FBXL17: variants seen among roughly 807,000 people sequenced by gnomAD.
FBXL17 encodes F-box and leucine rich repeat protein 17.
FBXL17 carries 22 observed loss-of-function variants against 66.2 expected under a neutral mutation model. That is an observed-to-expected ratio of 0.33 (90% CI 0.24 to 0.47). The LOEUF (loss-of-function observed/expected upper bound fraction) is 0.47. Among genes scored for constraint, FBXL17 ranks in the 20% least tolerant of loss-of-function variants. FBXL17 has a pLI of 1.00. For synonymous variants in FBXL17, 474 were observed against 400.5 expected (o/e 1.18, Z -2.19); for missense variants, 878 against 948.2 (o/e 0.93, Z 0.97).
intron 6 of FBXL17, among the ~76,000 whole-genome samples, chr5:108,102,314 C>A (rs1178829783): frequency 7.9e-5 from 12 of 152,126 alleles, no homozygotes; most frequent in Admixed American, 7.9e-4. Context: ...TAACTTATTA[C>A]AAATTTTAAT....
At chr5:108,158,519 G>A (rs1752085473) in intron 6 of FBXL17, among the ~76,000 whole-genome samples, 1 of 151,676 alleles carries the variant, frequency 6.6e-6, no homozygotes, top group Non-Finnish European at 1.5e-5. Flanking sequence ...CTGTGTGTGT[G>A]TGTGTGTGTG....
At chr5:107,946,390 G>A (rs1458465879) in intron 7 of FBXL17, among the ~76,000 whole-genome samples, 15 of 140,430 alleles carry the variant, frequency 1.1e-4, no homozygotes, top group Non-Finnish European at 1.8e-4. Context: ...AAACTCCTTG[G>A]CTTAAGTGAT....
chr5:108,030,358 G>GA (rs1241679251), intron 6 of FBXL17, among the ~76,000 whole-genome samples: 1 of 152,130 alleles, frequency 6.6e-6, no homozygotes, highest in African/African-American at 2.4e-5. Flanking sequence ...TCTCCTTGCA[G>GA]AAAGTTGCAA....
At position 108,093,007 on chromosome 5, in the gene FBXL17, A is replaced by G. The variant is rs528310401; in HGVS notation, c.1746-72006T>C. On this transcript the variant is annotated intron_variant, in intron 6 of 8. Transcript: ENST00000542267. ...GAGAGGGAGAATAAAACACTTCTAA[A>G]CCATTCACTTAGACCAATAACAAAA... Among the ~76,000 whole-genome samples, 8 of 152,208 alleles carry G rather than the reference A, an allele frequency of 5.3e-5. No individual in the cohort carries two copies. The South Asian group carries it at 1.2e-3, about 24-fold the overall frequency.
chr5:107,974,723 T>G (rs978330123), intron 7 of FBXL17, among the ~76,000 whole-genome samples: 5 of 152,158 alleles, frequency 3.3e-5, no homozygotes, highest in Non-Finnish European at 7.4e-5. Context: ...TAGGTTGTTT[T>G]ATGCAACTGC....
chr5:108,291,745 T>C (rs1245130962), intron 4 of FBXL17, among the ~76,000 whole-genome samples: 1 of 151,776 alleles, frequency 6.6e-6, no homozygotes, highest in Non-Finnish European at 1.5e-5. Context: ...AGTCCTCCCA[T>C]TCCCAAAACT....
intron 5 of FBXL17, among the ~76,000 whole-genome samples, chr5:108,194,441 T>C (rs948507322): frequency 6.6e-6 from 1 of 152,086 alleles, no homozygotes; most frequent in African/African-American, 2.4e-5. Flanking sequence ...TCCCAACATA[T>C]CTATGCTCTT....
intron 7 of FBXL17, among the ~76,000 whole-genome samples, chr5:107,912,819 T>C (rs1749996354): frequency 6.6e-6 from 1 of 152,120 alleles, no homozygotes; most frequent in Non-Finnish European, 1.5e-5. Flanking sequence ...AATGTAATAA[T>C]AAGGAAAGTG....
At position 107,885,674 on chromosome 5, in the gene FBXL17, T is replaced by C. The variant is rs1027099388; in HGVS notation, c.1823-4495A>G. Among the ~76,000 whole-genome samples, 6 of 152,316 alleles carry C rather than the reference T, an allele frequency of 3.9e-5. No homozygotes were observed. In the East Asian group the frequency reaches 5.8e-4, roughly 15 times the overall value. ...AAAGCAGAGGCCAAAAGAGTTTATA[T>C]GATGTGCTACCACCCTTCGTAAAAA... On this transcript the variant is annotated intron_variant, in intron 7 of 8. Transcript: ENST00000542267.
intron 1 of FBXL17, among the ~76,000 whole-genome samples, chr5:108,380,315 G>A (rs867562673): frequency 6.6e-6 from 1 of 152,184 alleles, no homozygotes; most frequent in Admixed American, 6.5e-5. Context: ...AAACATGAAA[G>A]TAATGTTTAA....
At chr5:107,993,277 CT>C (rs1435070250) in intron 7 of FBXL17, among the ~76,000 whole-genome samples, 1 of 152,060 alleles carries the variant, frequency 6.6e-6, no homozygotes, top group East Asian at 1.9e-4. Context: ...TTTTATAAGC[CT>C]GCAAGGGGTA....
intron 7 of FBXL17, among the ~76,000 whole-genome samples, chr5:108,002,182 A>ATTTTTTTTTTTTTTTTTTTTTTTTTT (rs765399250): frequency 9.1e-6 from 1 of 109,454 alleles, no homozygotes; most frequent in African/African-American, 4.5e-5. Flanking sequence ...CACCCAGCTA[A>ATTTTTTTTTTTTTTTTTTTTTTTTTT]TTTTTTTTTT....
intron 4 of FBXL17, among the ~76,000 whole-genome samples, chr5:108,262,010 C>T (rs1713709652): frequency 6.6e-6 from 1 of 151,234 alleles, no homozygotes; most frequent in Admixed American, 6.6e-5. Flanking sequence ...TGGGACAAAG[C>T]AGCAAAATAC....
intron 4 of FBXL17, among the ~76,000 whole-genome samples, chr5:108,282,468 C>A (rs181455615): frequency 7.2e-5 from 11 of 151,768 alleles, no homozygotes; most frequent in African/African-American, 2.2e-4. Flanking sequence ...ATTAAGCATC[C>A]CTTCATGATA....
chr5:108,315,763 A>G (rs1561524686), intron 4 of FBXL17, among the ~76,000 whole-genome samples: 3 of 151,618 alleles, frequency 2.0e-5, no homozygotes, highest in Non-Finnish European at 3.0e-5. Flanking sequence ...AAATCATTTA[A>G]TAATTCAATT....
At chr5:108,367,368 C>A (rs1357551878) in intron 2 of FBXL17, among the ~76,000 whole-genome samples, 1 of 151,898 alleles carries the variant, frequency 6.6e-6, no homozygotes, top group Non-Finnish European at 1.5e-5. Flanking sequence ...GCCTATTTTA[C>A]TTCCATTTCT....
intron 7 of FBXL17, among the ~76,000 whole-genome samples, chr5:107,926,199 G>A (rs890657276): frequency 5.9e-5 from 9 of 152,162 alleles, no homozygotes; most frequent in African/African-American, 1.9e-4. Context: ...TACAGATGAT[G>A]TAATAGTGAC....
At chr5:107,947,224 C>T (rs904241374) in intron 7 of FBXL17, among the ~76,000 whole-genome samples, 1 of 152,224 alleles carries the variant, frequency 6.6e-6, no homozygotes, top group Non-Finnish European at 1.5e-5. Context: ...GAGACGATTT[C>T]AAGGTCTCAG....
intron 6 of FBXL17, among the ~76,000 whole-genome samples, chr5:108,072,659 G>A (rs1453405673): frequency 6.6e-6 from 1 of 152,154 alleles, no homozygotes; most frequent in Non-Finnish European, 1.5e-5. Flanking sequence ...AGTGAGCCGA[G>A]ATTGCGCCAC....
Sources: allele counts gnomAD v4.1 joint callset (sites outside exome capture counted in the v4.1 genomes callset), GRCh38; gene constraint gnomAD v4.1.1; transcripts MANE v1.5; gene names NCBI Gene and HGNC (gene_info 2026-07-23, HGNC 2026-07-21).